PTPRK: variants seen among roughly 807,000 people sequenced by gnomAD.
PTPRK encodes receptor-type tyrosine-protein phosphatase kappa.
A neutral mutation model predicts 178.0 loss-of-function variants in PTPRK; 75 were observed. That is an observed-to-expected ratio of 0.42 (90% CI 0.35 to 0.51). The LOEUF is 0.51. Ranked by LOEUF, PTPRK falls within the 20% of genes least tolerant of loss-of-function variation. The pLI, the probability that PTPRK is intolerant of heterozygous loss-of-function variation, is 0.02. For synonymous variants in PTPRK, 637 were observed against 620.6 expected (o/e 1.03, Z -0.39); for missense variants, 1,441 against 1,797.8 (o/e 0.80, Z 3.59).
At chr6:128,115,608 T>C (rs1468193305) in intron 7 of PTPRK, among the ~76,000 whole-genome samples, 1 of 152,106 alleles carries the variant, frequency 6.6e-6, no homozygotes, top group African/African-American at 2.4e-5. Context: ...TTATAGATGC[T>C]TTTTTCCATC....
chr6:128,326,293 G>A (rs1348985087), intron 2 of PTPRK, among the ~76,000 whole-genome samples: 1 of 152,026 alleles, frequency 6.6e-6, no homozygotes, highest in Non-Finnish European at 1.5e-5. Flanking sequence ...ATGTATCTCA[G>A]AACTTAAAGT....
Position 128,237,394 on chromosome 6 carries a change from G to A in PTPRK, c.693+2641C>T, listed in dbSNP as rs560318144. 2.0e-4 allele frequency among the ~76,000 whole-genome samples: 31 copies of A among 152,252 alleles called. No homozygotes were observed. In the South Asian group the frequency reaches 5.8e-3, roughly 28 times the overall value. On this transcript the variant is annotated intron_variant, in intron 5 of 29. Transcript: ENST00000368226. ...AGTGCTTCAAGTACATTCATTCTCAGTACTAGCAGCAGATATTTTGAGCAT... is the reference window on the plus strand; with the variant it reads ...AGTGCTTCAAGTACATTCATTCTCAATACTAGCAGCAGATATTTTGAGCAT...
rs1028579820 is a variant in PTPRK at position 127,997,016 on chromosome 6, T to C, written c.2680-28A>G. 2.5e-6 allele frequency: 4 copies of C among 1,596,198 alleles called. No individual in the cohort carries two copies. In the Admixed American group the frequency reaches 6.8e-5, roughly 27 times the overall value. ...GGGAAAACAAAACGAATAAGCAGAC[T>C]GAATTTAATTCCTTTTTAAAAATCA... On this transcript the variant is annotated intron_variant, in intron 16 of 29. Transcript: ENST00000368226.
chr6:128,435,556 C>T (rs986666339), intron 1 of PTPRK, among the ~76,000 whole-genome samples: 7 of 152,072 alleles, frequency 4.6e-5, no homozygotes, highest in Admixed American at 4.6e-4. Flanking sequence ...AAGAGTCGCA[C>T]AGAACAATGT....
intron 7 of PTPRK, among the ~76,000 whole-genome samples, chr6:128,109,552 G>C (rs1790299439): frequency 6.6e-6 from 1 of 152,112 alleles, no homozygotes; most frequent in Admixed American, 6.6e-5. Flanking sequence ...AAAATATAAT[G>C]TGAATCTCTT....
intron 13 of PTPRK, among the ~76,000 whole-genome samples, chr6:128,012,767 T>C (rs930823982): frequency 1.3e-5 from 2 of 151,476 alleles, no homozygotes; most frequent in Non-Finnish European, 3.0e-5. Flanking sequence ...ACTATCTTAA[T>C]AGCTGTGATT....
chr6:128,278,098 G>A, intron 3 of PTPRK, among the ~76,000 whole-genome samples: 1 of 151,698 alleles, frequency 6.6e-6, no homozygotes, highest in East Asian at 1.9e-4. Flanking sequence ...ATAGGTAAAG[G>A]AAACAATGCA....
chr6:128,238,674 A>C (rs1027979653), intron 5 of PTPRK, among the ~76,000 whole-genome samples: 2 of 152,234 alleles, frequency 1.3e-5, no homozygotes, highest in Non-Finnish European at 2.9e-5. Context: ...GAAATAAGAA[A>C]ACTGACTTGA....
In PTPRK at chr6:128,219,032, G is replaced by A; in HGVS notation, c.758C>T (p.Ala253Val). 6.2e-7 allele frequency: 1 copy of A among 1,613,958 alleles called. No homozygotes were observed. The highest frequency in any genetic ancestry group is 1.1e-5 in the South Asian group (1 of 91,070). The change falls in exon 6 of 30, where the codon GCT becomes GTT. Residue 253 changes from alanine (A) to valine (V), a missense_variant. By Grantham distance (64) the Ala-to-Val change is moderately conservative. Around this residue, in one of 4 missense-constraint regions of PTPRK, gnomAD observed 945 missense variants for 1,080.6 expected, o/e 0.87. Transcript: ENST00000368226. The part of the protein sequence containing the change: ...TKNINHRRFA[A>V]SFRLQEVTKT... The stretch of plus-strand genomic sequence containing the variant: ...TGTCACTTCTTGCAATCTGAAGGAA[G>A]CGGCAAACCTTCTATGATTGATGTT...
chr6:127,977,702 G>A (rs2114617559), intron 25 of PTPRK, among the ~76,000 whole-genome samples: 1 of 152,252 alleles, frequency 6.6e-6, no homozygotes. Flanking sequence ...AACCATTTAA[G>A]ATCCTGAAGC....
chr6:128,073,889 T>C (rs147058862), intron 11 of PTPRK, among the ~76,000 whole-genome samples: 78 of 152,204 alleles, frequency 5.1e-4, no homozygotes, highest in African/African-American at 1.9e-3. Flanking sequence ...ATGGTTTTAT[T>C]TGGAATTCAA....
chr6:128,247,450 G>A (rs1384711382), intron 3 of PTPRK, among the ~76,000 whole-genome samples: 1 of 152,076 alleles, frequency 6.6e-6, no homozygotes, highest in Admixed American at 6.6e-5. Flanking sequence ...CTCCCCAGTA[G>A]TTGGAATTAT....
Position 128,184,551 on chromosome 6 carries a change from T to A in PTPRK, c.1043A>T (p.Tyr348Phe). Reference sequence around the variant, plus strand: ...ATCTGGATCTAAATGCCATAATTTGTAAGTTGGAGCATTGACTGCATGGGT... The same window carrying A: ...ATCTGGATCTAAATGCCATAATTTGAAAGTTGGAGCATTGACTGCATGGGT... ...TETHAVNAPTYKLWHLDPDTE... is the reference protein window; with the variant it reads ...TETHAVNAPTFKLWHLDPDTE... The change falls in exon 7 of 30, where the codon TAC (tyrosine) becomes TTC (phenylalanine). Residue 348 changes from tyrosine (Y) to phenylalanine (F), a missense_variant. Transcript: ENST00000368226. The A allele has an allele frequency of 6.2e-7, 1 of 1,613,984 alleles. No homozygotes were observed. Among genetic ancestry groups the A allele is most frequent in the Non-Finnish European group, 8.5e-7 (1 of 1,179,930 alleles).
chr6:128,443,895 C>T (rs1846606814), intron 1 of PTPRK, among the ~76,000 whole-genome samples: 1 of 152,120 alleles, frequency 6.6e-6, no homozygotes, highest in Non-Finnish European at 1.5e-5. Context: ...CACTGTTGCC[C>T]AAGCTGGAGT....
chr6:127,977,329 A>G (rs1216793895), intron 25 of PTPRK, among the ~76,000 whole-genome samples: 2 of 152,230 alleles, frequency 1.3e-5, no homozygotes, highest in African/African-American at 2.4e-5. Context: ...AAAGACGTAA[A>G]TACAGGACAA....
chr6:128,226,806 A>ATATAT (rs1275391320), intron 5 of PTPRK, among the ~76,000 whole-genome samples: 1 of 140,378 alleles, frequency 7.1e-6, no homozygotes, highest in Non-Finnish European at 1.6e-5. Context: ...ATATTTCAAT[A>ATATAT]AAATCATATC....
rs908251813 is a variant in PTPRK at position 128,519,613 on chromosome 6, T to C, written c.100+646A>G. The stretch of plus-strand genomic sequence containing the variant: ...CCCATGAACGCTCAGAGTGGGTCCT[T>C]AGAACCGCATTTCAACACATCTTAC... On this transcript the variant is annotated intron_variant, in intron 1 of 29. Transcript: ENST00000368226. This position sits in a 1 kb window ranked among gnomAD's most constrained non-coding sequence, Gnocchi z 4.3. Among the ~76,000 whole-genome samples, 1 of 152,128 alleles carries C rather than the reference T, an allele frequency of 6.6e-6. No individual in the cohort carries two copies. Among genetic ancestry groups the C allele is most frequent in the African/African-American group, 2.4e-5 (1 of 41,442 alleles).
intron 25 of PTPRK, among the ~76,000 whole-genome samples, chr6:127,979,629 G>C (rs563949435): frequency 6.6e-6 from 1 of 152,198 alleles, no homozygotes; most frequent in African/African-American, 2.4e-5. Context: ...CAGCAAGGAC[G>C]AGAGCCTGCC....
At chr6:128,075,677 G>GTT (rs1278266179) in intron 11 of PTPRK, among the ~76,000 whole-genome samples, 2 of 152,168 alleles carry the variant, frequency 1.3e-5, no homozygotes, top group East Asian at 3.9e-4. Context: ...CATATAGAAT[G>GTT]TTATTGAGTC....
Sources: allele counts gnomAD v4.1 joint callset (sites outside exome capture counted in the v4.1 genomes callset), GRCh38; gene constraint gnomAD v4.1.1; regional missense constraint gnomAD v4.1.1; non-coding constraint Gnocchi (gnomAD v3.1); transcripts MANE v1.5; gene names NCBI Gene and HGNC (gene_info 2026-07-23, HGNC 2026-07-21).